Variants in DOCK2 observed in about 807,000 individuals in gnomAD.
DOCK2 encodes dedicator of cytokinesis 2.
DOCK2 carries 87 observed loss-of-function variants against 248.9 expected under a neutral mutation model. The observed-to-expected ratio is 0.35, with a 90% confidence interval of 0.29 to 0.42. DOCK2 has a LOEUF of 0.42. Ranked by LOEUF, DOCK2 falls within the 10% of genes least tolerant of loss-of-function variation. DOCK2 has a pLI of 1.00. For synonymous variants in DOCK2, 805 were observed against 821.6 expected, an observed-to-expected ratio of 0.98 and a Z score of 0.35; for missense variants, 1,747 against 2,300.2, an observed-to-expected ratio of 0.76 and a Z score of 4.92.
chr5:170,024,693 A>G (rs1755844593), intron 33 of DOCK2, among the ~76,000 whole-genome samples: 1 of 152,178 alleles, frequency 6.6e-6, no homozygotes, highest in Non-Finnish European at 1.5e-5. Flanking sequence ...TAACTTGGCT[A>G]AGGTCACAGG....
intron 25 of DOCK2, among the ~76,000 whole-genome samples, chr5:169,771,144 A>G (rs1765063993): frequency 6.6e-6 from 1 of 152,226 alleles, no homozygotes; most frequent in Admixed American, 6.5e-5. Context: ...CTTTGCCACT[A>G]AAATGGGCTT....
intron 27 of DOCK2, among the ~76,000 whole-genome samples, chr5:169,978,497 A>T (rs1303024295): frequency 6.6e-6 from 1 of 151,360 alleles, no homozygotes; most frequent in South Asian, 2.1e-4. Flanking sequence ...TATCATGATG[A>T]TGATGATGAT....
At chr5:169,969,639 G>C (rs1022363967) in intron 27 of DOCK2, among the ~76,000 whole-genome samples, 2 of 152,208 alleles carry the variant, frequency 1.3e-5, no homozygotes, top group African/African-American at 4.8e-5. Context: ...GGCGGAGGCT[G>C]TAGGAAAGGT....
intron 27 of DOCK2, chr5:169,881,415 A>G (rs1285309836): frequency 1.3e-6 from 2 of 1,551,470 alleles, no homozygotes; most frequent in African/African-American, 2.7e-5. Context: ...AATTGTTGAG[A>G]TCTTGGCCAG....
At position 169,867,168 on chromosome 5, in the gene DOCK2, C is replaced by T. The variant is rs150800766; in HGVS notation, c.2799+26316C>T. ...ATGAAGAGATGTGTGGGGGCTTCAG[C>T]CCCTGTGTAGCACTCATTCCTCCAG... is the stretch of plus-strand genomic sequence containing the variant. On this transcript the variant is annotated intron_variant, in intron 27 of 51. Coordinates refer to ENST00000520908, the MANE Select transcript of DOCK2 (RefSeq NM_004946.3). Among the ~76,000 whole-genome samples, 611 of 152,344 alleles carry T rather than the reference C, an allele frequency of 4.0e-3. 4 individuals carry two copies. Among genetic ancestry groups the T allele is most frequent in the African/African-American group, 0.014 (575 of 41,584 alleles).
chr5:169,807,023 G>A (rs1199504140), intron 26 of DOCK2, among the ~76,000 whole-genome samples: 1 of 152,090 alleles, frequency 6.6e-6, no homozygotes, highest in Non-Finnish European at 1.5e-5. Context: ...CATAGTTGGT[G>A]AGCTGGATGG....
chr5:169,918,684 G>A (rs1020334508), intron 27 of DOCK2, among the ~76,000 whole-genome samples: 2 of 152,174 alleles, frequency 1.3e-5, no homozygotes, highest in African/African-American at 2.4e-5. Flanking sequence ...AGGCCGAGGC[G>A]AGAGGATCAC....
rs891349704 is a variant in DOCK2, at chr5:170,055,493, C to T, written c.4295+107C>T. ...CCCCAGTGTCTTTCTAGTTCCTTCT[C>T]TATCTTAGCCAGTTTTTCCCCCCTT... On this transcript the variant is annotated intron_variant, in intron 42 of 51. Coordinates refer to ENST00000520908, the MANE Select transcript of DOCK2 (RefSeq NM_004946.3). 5.0e-6 allele frequency: 5 copies of T among 998,134 alleles called. No homozygotes were observed. In the African/African-American group the frequency reaches 6.4e-5, roughly 13 times the overall value. 61.8% of individuals were successfully genotyped at this position (998,134 alleles called of 1,614,324 possible). A position where few individuals can be genotyped will look rare whatever the true frequency, so the allele number is the denominator to read the frequency against.
chr5:169,853,192 G>T lies in DOCK2; in HGVS notation c.2799+12340G>T, dbSNP rs1397520610. Among the ~76,000 whole-genome samples, 5 of 152,290 alleles carry T rather than the reference G, an allele frequency of 3.3e-5. No individual in the cohort carries two copies. The East Asian group carries it at 5.8e-4, about 18-fold the overall frequency. On this transcript the variant is annotated intron_variant, in intron 27 of 51. Transcript: ENST00000520908. ...TTTTATCTTCCACCATGATTGGGAG[G>T]ACTCCCCAGCCAAGTGGAACTGTAA...
intron 19 of DOCK2, among the ~76,000 whole-genome samples, chr5:169,714,764 T>C (rs1189652305): frequency 1.3e-5 from 2 of 152,170 alleles, no homozygotes; most frequent in East Asian, 1.9e-4. Context: ...AAAAGTGACA[T>C]AGTTCTCAGG....
At chr5:169,641,856 C>G (rs1757169896) in intron 1 of DOCK2, among the ~76,000 whole-genome samples, 1 of 152,262 alleles carries the variant, frequency 6.6e-6, no homozygotes, top group Non-Finnish European at 1.5e-5. Context: ...TGAATCTTCT[C>G]TGTGTTTATT....
intron 23 of DOCK2, among the ~76,000 whole-genome samples, chr5:169,757,992 A>G (rs943652069): frequency 1.3e-5 from 2 of 152,250 alleles, no homozygotes; most frequent in Non-Finnish European, 2.9e-5. Context: ...GTATATGTCT[A>G]TATGTTTTCA....
intron 45 of DOCK2, among the ~76,000 whole-genome samples, chr5:170,068,117 A>C (rs1561906926): frequency 6.6e-6 from 1 of 152,190 alleles, no homozygotes; most frequent in Non-Finnish European, 1.5e-5. Flanking sequence ...AAAGCCATAA[A>C]AACTAAGAGA....
chr5:170,035,659 A>G (rs1490977854), intron 35 of DOCK2, among the ~76,000 whole-genome samples: 3 of 152,254 alleles, frequency 2.0e-5, no homozygotes, highest in African/African-American at 7.2e-5. Flanking sequence ...GCACTGAGAC[A>G]CCACTAGTTT....
chr5:169,727,480 G>C (rs1392761615), intron 22 of DOCK2, among the ~76,000 whole-genome samples: 1 of 152,138 alleles, frequency 6.6e-6, no homozygotes, highest in Non-Finnish European at 1.5e-5. Flanking sequence ...GTGGAGGGGG[G>C]CCTGATGCAT....
At chr5:169,960,657 G>C (rs1422695) in intron 27 of DOCK2, among the ~76,000 whole-genome samples, 115,248 of 152,156 alleles carry the variant, frequency 0.76, 44,703 homozygotes, top group African/African-American at 0.94. Context: ...TACTTGTGTG[G>C]TAATATTCGG....
intron 14 of DOCK2, among the ~76,000 whole-genome samples, chr5:169,707,578 G>T (rs1169090893): frequency 6.6e-6 from 1 of 152,088 alleles, no homozygotes; most frequent in Non-Finnish European, 1.5e-5. Context: ...CTATACCCCA[G>T]TGCACAGCAT....
At chr5:169,640,080 G>A (rs566919543) in intron 1 of DOCK2, among the ~76,000 whole-genome samples, 4 of 152,230 alleles carry the variant, frequency 2.6e-5, no homozygotes, top group South Asian at 2.1e-4. Context: ...TGAGAACACC[G>A]GTCATATTGG....
chr5:169,714,941 A>G (rs908626584), intron 19 of DOCK2, among the ~76,000 whole-genome samples: 1 of 152,138 alleles, frequency 6.6e-6, no homozygotes, highest in African/African-American at 2.4e-5. Flanking sequence ...ATATGTATGT[A>G]TGTGTGTGAG....
Sources: allele counts gnomAD v4.1 joint callset (sites outside exome capture counted in the v4.1 genomes callset), GRCh38; gene constraint gnomAD v4.1.1; transcripts MANE v1.5; gene names NCBI Gene and HGNC (gene_info 2026-07-23, HGNC 2026-07-21).